GATAD2B: variants seen among roughly 807,000 people sequenced by gnomAD.
GATAD2B encodes the protein GATA zinc finger domain containing 2B, also known as transcriptional repressor p66-beta.
Under a neutral mutation model 64.3 loss-of-function variants are expected in GATAD2B, and 8 were observed. The observed-to-expected ratio is 0.12, with a 90% CI of 0.07 to 0.22. The LOEUF is 0.22. Ranked by LOEUF, GATAD2B falls within the 10% of genes least tolerant of loss-of-function variation. The pLI is 1.00. For missense variants in GATAD2B, 453 were observed against 752.0 expected, an observed-to-expected ratio of 0.60 and a Z score of 4.65; for synonymous variants, 281 against 271.3, an observed-to-expected ratio of 1.04 and a Z score of -0.35.
rs1674113553 is a variant in GATAD2B, at chr1:153,806,415, T to C, written c.*3762A>G. ...GGGAGGTGGCATCTCTAAGGAGGGA[T>C]GGGGTTGGAGCAGCTGCCAGTCTCA... is the stretch of plus-strand genomic sequence containing the variant. On this transcript the variant is annotated 3_prime_UTR_variant, in exon 11 of 11. Transcript: ENST00000368655. 6.6e-6 allele frequency: 1 copy of C among 150,450 alleles called. No homozygotes were observed. Among genetic ancestry groups the C allele is most frequent in the Non-Finnish European group, 1.5e-5 (1 of 67,658 alleles). The allele number at this position is 150,450 out of a possible 1,614,324, so 9.3% of individuals were successfully genotyped here. A position where few individuals can be genotyped will look rare whatever the true frequency, so the allele number is the denominator to read the frequency against.
intron 3 of GATAD2B, among the ~76,000 whole-genome samples, 170 bp from the exon 4 acceptor site, chr1:153,819,092 G>A (rs1480417921): frequency 6.6e-6 from 1 of 152,210 alleles, no homozygotes; most frequent in Non-Finnish European, 1.5e-5. Flanking sequence ...CTGGCATTCA[G>A]TAGGTACTCA....
intron 1 of GATAD2B, among the ~76,000 whole-genome samples, chr1:153,863,025 ACTTT>A (rs1312485390): frequency 1.3e-5 from 2 of 152,110 alleles, no homozygotes; most frequent in South Asian, 2.1e-4. Flanking sequence ...CGCCTGGCAT[ACTTT>A]TTTTAAGAGA....
chr1:153,811,689 C>T, intron 10 of GATAD2B, 42 bp downstream of exon 10: 4 of 1,200,340 alleles, frequency 3.3e-6, no homozygotes, highest in South Asian at 2.4e-5. Flanking sequence ...TACTAACTAA[C>T]AGCTGACCCA....
chr1:153,855,951 G>A (rs1226825785), intron 1 of GATAD2B, among the ~76,000 whole-genome samples: 4 of 152,180 alleles, frequency 2.6e-5, no homozygotes, highest in Non-Finnish European at 4.4e-5. Flanking sequence ...CCAAAGTGCT[G>A]GGATTACAGG....
At chr1:153,814,608 A>G (rs909858514) in intron 7 of GATAD2B, among the ~76,000 whole-genome samples, 4 of 152,076 alleles carry the variant, frequency 2.6e-5, no homozygotes, top group Non-Finnish European at 5.9e-5. Flanking sequence ...CCCTATCTCT[A>G]CTAAAAACAG....
intron 1 of GATAD2B, among the ~76,000 whole-genome samples, chr1:153,890,324 T>C (rs1677335883): frequency 1.3e-5 from 2 of 150,740 alleles, no homozygotes; most frequent in Admixed American, 6.6e-5. Flanking sequence ...CCGTCTCTCC[T>C]AAAAATACAA....
At chr1:153,831,382 T>C (rs969410377) in intron 1 of GATAD2B, among the ~76,000 whole-genome samples, 16 of 152,076 alleles carry the variant, frequency 1.1e-4, no homozygotes, top group Non-Finnish European at 2.4e-4. Flanking sequence ...AAATATCTAA[T>C]ACATGTGGGG....
chr1:153,870,753 C>T (rs1676638685), intron 1 of GATAD2B, among the ~76,000 whole-genome samples: 1 of 152,110 alleles, frequency 6.6e-6, no homozygotes, highest in South Asian at 2.1e-4. Flanking sequence ...GAGTCTCACC[C>T]CCATGATACC....
chr1:153,858,800 G>C (rs1026455362), intron 1 of GATAD2B, among the ~76,000 whole-genome samples: 3 of 152,112 alleles, frequency 2.0e-5, no homozygotes, highest in Non-Finnish European at 2.9e-5. Flanking sequence ...GTATTTGTAA[G>C]TATCATTAAA....
At chr1:153,905,545 C>T in intron 1 of GATAD2B, among the ~76,000 whole-genome samples, 1 of 90,696 alleles carries the variant, frequency 1.1e-5, no homozygotes, top group Non-Finnish European at 2.2e-5. Context: ...ACAGCCAAAA[C>T]AATTTTGGAA....
At chr1:153,824,373 TA>T (rs1674794301) in intron 2 of GATAD2B, among the ~76,000 whole-genome samples, 1 of 152,140 alleles carries the variant, frequency 6.6e-6, no homozygotes, top group Admixed American at 6.5e-5. Flanking sequence ...CTCACGCCCA[TA>T]ATCCCGGCAC....
At chr1:153,892,167 A>G (rs1424250548) in intron 1 of GATAD2B, among the ~76,000 whole-genome samples, 1 of 150,086 alleles carries the variant, frequency 6.7e-6, no homozygotes, top group Admixed American at 6.6e-5. Flanking sequence ...CCGTCTCAAA[A>G]AAAAAAAAAA....
chr1:153,907,140 A>G (rs148316964), intron 1 of GATAD2B, among the ~76,000 whole-genome samples: 59 of 152,384 alleles, frequency 3.9e-4, no homozygotes, highest in African/African-American at 1.2e-3. Context: ...AACAATTTCA[A>G]TTCTGGATAT....
intron 1 of GATAD2B, among the ~76,000 whole-genome samples, chr1:153,848,167 G>A (rs76099002): frequency 0.13 from 19,722 of 152,084 alleles, 1,441 homozygotes; most frequent in Middle Eastern, 0.18. Context: ...ACTTCCTGTC[G>A]TATTCCAGTC....
chr1:153,815,112 A>AAAAAAAAAAAC (rs1674418574), intron 7 of GATAD2B, among the ~76,000 whole-genome samples: 1 of 112,524 alleles, frequency 8.9e-6, no homozygotes, highest in African/African-American at 3.3e-5. Context: ...AAAAAAAAAA[A>AAAAAAAAAAAC]CCAACAAAGA....
intron 1 of GATAD2B, among the ~76,000 whole-genome samples, chr1:153,920,473 A>G (rs1176311218): frequency 1.3e-5 from 2 of 152,226 alleles, no homozygotes; most frequent in African/African-American, 4.8e-5. Flanking sequence ...CAGCAGTAAA[A>G]GTTACTGCCA....
intron 1 of GATAD2B, among the ~76,000 whole-genome samples, chr1:153,867,757 G>A (rs1268911646): frequency 6.6e-6 from 1 of 152,088 alleles, no homozygotes. Context: ...CTACTCAGGA[G>A]GCTGAGGCAG....
intron 1 of GATAD2B, among the ~76,000 whole-genome samples, chr1:153,842,955 T>A (rs907908385): frequency 2.3e-4 from 17 of 73,620 alleles, no homozygotes; most frequent in African/African-American, 5.2e-4. Flanking sequence ...TCGCCCAGCC[T>A]TTTTTTTTTT....
intron 1 of GATAD2B, among the ~76,000 whole-genome samples, chr1:153,870,214 T>G (rs866607180): frequency 6.6e-6 from 1 of 152,030 alleles, no homozygotes; most frequent in Non-Finnish European, 1.5e-5. Context: ...GCCTCCAAAG[T>G]GCTGGGATTG....
Sources: allele counts gnomAD v4.1 joint callset (sites outside exome capture counted in the v4.1 genomes callset), GRCh38; gene constraint gnomAD v4.1.1; transcripts MANE v1.5; gene names NCBI Gene and HGNC (gene_info 2026-07-23, HGNC 2026-07-21).